The following CDH12 variants were observed in gnomAD, a reference collection of about 807,000 sequenced individuals.
CDH12 encodes cadherin 12.
In CDH12, 41 loss-of-function variants were observed where a neutral mutation model predicts 74.1. The ratio of observed to expected loss-of-function variants is 0.55; its 90% CI spans 0.43 to 0.72. The LOEUF is 0.72. Ranked by LOEUF, CDH12 falls within the 30% of genes least tolerant of loss-of-function variation. The probability of loss-of-function intolerance (pLI) is 0.00; values close to 1 mark genes in which losing one functional copy is unlikely to be tolerated. For missense variants in CDH12, 945 were observed against 977.2 expected (o/e 0.97, Z 0.44); for synonymous variants, 399 against 355.0 (o/e 1.12, Z -1.39).
At chr5:22,685,122 T>C (rs1171030050) in intron 1 of CDH12, among the ~76,000 whole-genome samples, 2 of 152,198 alleles carry the variant, frequency 1.3e-5, no homozygotes. Flanking sequence ...TTTATTAAGA[T>C]ACAATTCATA....
chr5:21,993,497 G>T (rs1736087960), intron 5 of CDH12, among the ~76,000 whole-genome samples: 1 of 152,188 alleles, frequency 6.6e-6, no homozygotes, highest in African/African-American at 2.4e-5. Flanking sequence ...ACTCCAGCCA[G>T]CTTGGAAGAA....
intron 3 of CDH12, among the ~76,000 whole-genome samples, chr5:22,244,550 A>C: frequency 8.2e-6 from 1 of 122,524 alleles, no homozygotes. Context: ...GAAGAAGAAG[A>C]AGAAGAAAGA....
chr5:22,106,594 G>T lies in CDH12; in HGVS notation c.-186-27732C>A, dbSNP rs544386543. On this transcript the variant is annotated intron_variant, in intron 4 of 14. Transcript: ENST00000382254. ...TTAATACTTTAAAAACCCCTCCATT[G>T]TTTTTATCATGTGCATTTCACTGAT... Among the ~76,000 whole-genome samples, 4 of 152,210 alleles carry T rather than the reference G, an allele frequency of 2.6e-5. No homozygotes were observed. The East Asian group carries it at 7.7e-4, about 29-fold the overall frequency.
At chr5:21,926,374 T>C (rs1754584279) in intron 6 of CDH12, among the ~76,000 whole-genome samples, 1 of 152,222 alleles carries the variant, frequency 6.6e-6, no homozygotes, top group South Asian at 2.1e-4. Flanking sequence ...TTGGTGGACA[T>C]TTTCTGGAGG....
At chr5:22,385,112 C>T (rs2940570) in intron 3 of CDH12, among the ~76,000 whole-genome samples, 127,319 of 152,152 alleles carry the variant, frequency 0.84, 53,321 homozygotes, top group African/African-American at 0.85. Context: ...TAAGTGGTTA[C>T]CTTAACATCT....
At chr5:21,873,569 C>G (rs1751761147) in intron 6 of CDH12, among the ~76,000 whole-genome samples, 2 of 152,184 alleles carry the variant, frequency 1.3e-5, no homozygotes, top group Admixed American at 1.3e-4. Context: ...AGTTCATCCT[C>G]CAAGCATTTT....
At chr5:22,140,619 A>T (rs1746735183) in intron 4 of CDH12, among the ~76,000 whole-genome samples, 1 of 152,066 alleles carries the variant, frequency 6.6e-6, no homozygotes, top group Admixed American at 6.6e-5. Flanking sequence ...TATTGCTGTT[A>T]TTGTTTTTAT....
chr5:21,963,482 G>A (rs1756451025), intron 6 of CDH12, among the ~76,000 whole-genome samples: 1 of 152,016 alleles, frequency 6.6e-6, no homozygotes, highest in Non-Finnish European at 1.5e-5. Flanking sequence ...CACATTCTCT[G>A]GTTAAATGTG....
chr5:21,772,963 A>G (rs1745400690), intron 11 of CDH12, among the ~76,000 whole-genome samples: 1 of 152,178 alleles, frequency 6.6e-6, no homozygotes, highest in African/African-American at 2.4e-5. Flanking sequence ...CAGTTTGATT[A>G]CAGTAATGTA....
chr5:22,292,095 C>A (rs1737411589), intron 3 of CDH12, among the ~76,000 whole-genome samples: 2 of 152,012 alleles, frequency 1.3e-5, no homozygotes, highest in African/African-American at 4.8e-5. Context: ...GCCAATAATA[C>A]ACTATGGGGA....
At chr5:22,481,471 T>C (rs529789245) in intron 2 of CDH12, among the ~76,000 whole-genome samples, 3 of 152,268 alleles carry the variant, frequency 2.0e-5, no homozygotes, top group East Asian at 1.9e-4. Flanking sequence ...AAGCTACAGA[T>C]GAATTGATAG....
intron 4 of CDH12, 84 bp from the exon 5 acceptor site, chr5:22,078,946 A>T: frequency 1.7e-6 from 1 of 587,856 alleles, no homozygotes; most frequent in Non-Finnish European, 2.4e-6. Flanking sequence ...ATCTGCCAAC[A>T]TTTAAGGAAA....
intron 6 of CDH12, 101 bp downstream of exon 6, chr5:21,974,990 T>G (rs1715767474): frequency 6.2e-6 from 5 of 808,366 alleles, no homozygotes; most frequent in Non-Finnish European, 9.8e-6. Context: ...AATTGAAAAA[T>G]ATTCTTTTAG....
chr5:22,820,148 C>G (rs1323663578), intron 1 of CDH12, among the ~76,000 whole-genome samples: 2 of 151,012 alleles, frequency 1.3e-5, no homozygotes, highest in Non-Finnish European at 3.0e-5. Flanking sequence ...CAATGCTTCA[C>G]AGTAAGACCA....
At chr5:22,649,328 G>A (rs778037064) in intron 1 of CDH12, among the ~76,000 whole-genome samples, 1 of 152,002 alleles carries the variant, frequency 6.6e-6, no homozygotes, top group Non-Finnish European at 1.5e-5. Flanking sequence ...AAACTTAGGT[G>A]ACTTGCCCAA....
chr5:22,577,945 C>T (rs973491840), intron 1 of CDH12, among the ~76,000 whole-genome samples: 7 of 152,106 alleles, frequency 4.6e-5, no homozygotes, highest in Non-Finnish European at 8.8e-5. Context: ...CCAAATTAAC[C>T]TCTGTAAATA....
intron 2 of CDH12, among the ~76,000 whole-genome samples, chr5:22,448,328 CA>C (rs57254902): frequency 1.8e-4 from 27 of 146,998 alleles, no homozygotes; most frequent in Admixed American, 3.4e-4. Context: ...TCACTCGATG[CA>C]AAAAAAAAAT....
chr5:22,651,065 A>G (rs1299832515), intron 1 of CDH12, among the ~76,000 whole-genome samples: 1 of 152,102 alleles, frequency 6.6e-6, no homozygotes, highest in Admixed American at 6.6e-5. Context: ...ACTTACTCAA[A>G]GTATAGGTAG....
chr5:22,851,210 A>G (rs1160375863), intron 1 of CDH12, among the ~76,000 whole-genome samples: 2 of 151,780 alleles, frequency 1.3e-5, no homozygotes, highest in Non-Finnish European at 2.9e-5. Flanking sequence ...CCCTCCCCCC[A>G]ACAATAATGC....
Sources: allele counts gnomAD v4.1 joint callset (sites outside exome capture counted in the v4.1 genomes callset), GRCh38; gene constraint gnomAD v4.1.1; transcripts MANE v1.5; gene names NCBI Gene and HGNC (gene_info 2026-07-23, HGNC 2026-07-21).